TTC27: variants seen among roughly 807,000 people sequenced by gnomAD.
TTC27 encodes tetratricopeptide repeat domain 27, also known as tetratricopeptide repeat protein 27.
In TTC27, 79 loss-of-function variants were observed where a neutral mutation model predicts 115.9. The ratio of observed to expected loss-of-function variants is 0.68; its 90% CI spans 0.57 to 0.82. TTC27 has a LOEUF of 0.82. TTC27 is among the 40% of genes least tolerant of loss of function. TTC27 has a pLI of 0.00. For missense variants in TTC27, 1,054 were observed against 993.1 expected, an observed-to-expected ratio of 1.06 and a Z score of -0.82; for synonymous variants, 401 against 356.0, an observed-to-expected ratio of 1.13 and a Z score of -1.42.
At chr2:32,704,801 C>T in intron 10 of TTC27, 2 of 460,652 alleles carry the variant, frequency 4.3e-6, no homozygotes, top group Non-Finnish European at 4.5e-6. Flanking sequence ...TGATTTGATT[C>T]AGGTCATAGA....
chr2:32,754,966 T>A (rs1442447651), intron 12 of TTC27, among the ~76,000 whole-genome samples: 1 of 148,052 alleles, frequency 6.8e-6, no homozygotes, highest in Non-Finnish European at 1.5e-5. Context: ...GTGGAGGGGC[T>A]CCTCACTTCT....
At chr2:32,781,554 C>T (rs1572608191) in intron 14 of TTC27, among the ~76,000 whole-genome samples, 1 of 152,036 alleles carries the variant, frequency 6.6e-6, no homozygotes, top group East Asian at 1.9e-4. Flanking sequence ...CCTAAATCAG[C>T]TTGTTTTTAA....
At chr2:32,784,123 G>C (rs1670270551) in intron 15 of TTC27, among the ~76,000 whole-genome samples, 1 of 152,162 alleles carries the variant, frequency 6.6e-6, no homozygotes, top group Non-Finnish European at 1.5e-5. Flanking sequence ...CATAGTTGTA[G>C]AATGATCTCA....
intron 4 of TTC27, among the ~76,000 whole-genome samples, chr2:32,641,826 G>A (rs1664660926): frequency 2.0e-5 from 3 of 150,876 alleles, no homozygotes; most frequent in Admixed American, 2.0e-4. Flanking sequence ...TTACAGGCAT[G>A]CGTCACCATG....
intron 3 of TTC27, among the ~76,000 whole-genome samples, chr2:32,636,721 A>G (rs1664442582): frequency 6.6e-6 from 1 of 152,226 alleles, no homozygotes; most frequent in Non-Finnish European, 1.5e-5. Context: ...AACAATATGG[A>G]AATGAGTTTC....
At chr2:32,755,936 A>T (rs1669217360) in intron 12 of TTC27, among the ~76,000 whole-genome samples, 1 of 152,162 alleles carries the variant, frequency 6.6e-6, no homozygotes, top group South Asian at 2.1e-4. Context: ...TAACTGTCTT[A>T]GTTCTGTTAC....
rs1330705403 is a variant in TTC27, at chr2:32,630,630, A to G, written c.196A>G (p.Ile66Val). ...TTCAACAACAACCGCTGAAGAAAAGATTGATAGCTACCTGGAGAAGCAGGT... is the reference window on the plus strand; with the variant it reads ...TTCAACAACAACCGCTGAAGAAAAGGTTGATAGCTACCTGGAGAAGCAGGT... Reference protein sequence around the residue: ...FNSTTTAEEKIDSYLEKQVVT... With the variant: ...FNSTTTAEEKVDSYLEKQVVT... The change falls in exon 2 of 20, where the codon ATT becomes GTT. Residue 66 changes from isoleucine (I) to valine (V), a missense_variant. Physicochemically the swap from Ile to Val is conservative, Grantham distance 29. Coordinates refer to ENST00000317907, the MANE Select transcript of TTC27 (RefSeq NM_017735.5). 2 of 1,613,894 alleles carry G rather than the reference A, an allele frequency of 1.2e-6. No homozygotes were observed. The highest frequency in any genetic ancestry group is 2.7e-5 in the African/African-American group (2 of 74,932).
At chr2:32,692,698 A>G (rs1666856407) in intron 9 of TTC27, among the ~76,000 whole-genome samples, 1 of 152,162 alleles carries the variant, frequency 6.6e-6, no homozygotes, top group Non-Finnish European at 1.5e-5. Context: ...CTGGTGGGGC[A>G]CGGTGGTTTA....
At position 32,634,008 on chromosome 2, in the gene TTC27, A is replaced by G. The variant is rs1195756036; in HGVS notation, c.396+3A>G. On this transcript the variant is annotated splice_donor_region_variant and intron_variant, in intron 3 of 19. Coordinates refer to ENST00000317907, the MANE Select transcript of TTC27 (RefSeq NM_017735.5). ...TTTTGTTCCAGCAATTCAGTGAGGT[A>G]TGCTTCTTGAAAATGTTGTATGTAA... 1.9e-6 allele frequency: 3 copies of G among 1,609,480 alleles called. No homozygotes were observed. Among genetic ancestry groups the G allele is most frequent in the Non-Finnish European group, 2.5e-6 (3 of 1,178,410 alleles).
intron 11 of TTC27, among the ~76,000 whole-genome samples, chr2:32,735,233 A>T (rs1668412856): frequency 6.6e-6 from 1 of 152,210 alleles, no homozygotes; most frequent in Admixed American, 6.5e-5. Flanking sequence ...ATATGCAAGT[A>T]AAAAAGCTTT....
chr2:32,644,591 C>G (rs917265623), intron 4 of TTC27, among the ~76,000 whole-genome samples: 2 of 151,700 alleles, frequency 1.3e-5, no homozygotes, highest in Non-Finnish European at 2.9e-5. Flanking sequence ...TTGCCTTTTT[C>G]TTTTTCTTTT....
At chr2:32,733,778 A>G in intron 10 of TTC27, 50 bp from the exon 11 acceptor site, 1 of 1,177,538 alleles carries the variant, frequency 8.5e-7, no homozygotes, top group Non-Finnish European at 1.2e-6. Context: ...GGACTTATTT[A>G]TATTATAAGT....
intron 12 of TTC27, among the ~76,000 whole-genome samples, chr2:32,745,054 C>CAA (rs57044153): frequency 0.016 from 794 of 49,864 alleles, 189 homozygotes; most frequent in African/African-American, 0.048. Flanking sequence ...AACTCTGTCT[C>CAA]AAAAAAAAAA....
chr2:32,674,941 C>T (rs1666146032), intron 8 of TTC27, among the ~76,000 whole-genome samples: 2 of 151,944 alleles, frequency 1.3e-5, no homozygotes, highest in African/African-American at 2.4e-5. Context: ...GGATTACAGG[C>T]GTGAGCCACC....
chr2:32,749,032 T>C (rs535156576), intron 12 of TTC27, among the ~76,000 whole-genome samples: 2 of 152,334 alleles, frequency 1.3e-5, no homozygotes, highest in Non-Finnish European at 2.9e-5. Context: ...CTTAAGATAG[T>C]TGATTTTAAG....
intron 4 of TTC27, among the ~76,000 whole-genome samples, chr2:32,648,928 G>C (rs868749122): frequency 6.6e-6 from 1 of 152,058 alleles, no homozygotes; most frequent in African/African-American, 2.4e-5. Flanking sequence ...GGAGGATCAC[G>C]TGAGCCTGAG....
chr2:32,702,020 A>AACAAAAC (rs1553553240), intron 9 of TTC27, among the ~76,000 whole-genome samples: 7 of 145,544 alleles, frequency 4.8e-5, no homozygotes, highest in South Asian at 2.1e-4. Flanking sequence ...CAAAAAAAAA[A>AACAAAAC]AAAAACAAAA....
intron 4 of TTC27, among the ~76,000 whole-genome samples, chr2:32,642,009 C>T (rs1315673972): frequency 2.6e-5 from 4 of 152,090 alleles, no homozygotes; most frequent in East Asian, 1.9e-4. Context: ...GCGGCTGCCA[C>T]GATGCATGGC....
At chr2:32,706,077 CT>C (rs148953090) in intron 10 of TTC27, among the ~76,000 whole-genome samples, 857 of 53,070 alleles carry the variant, frequency 0.016, 2 homozygotes, top group African/African-American at 0.045. Context: ...TTACCTTACT[CT>C]TTTTTTTTTT....
Sources: allele counts gnomAD v4.1 joint callset (sites outside exome capture counted in the v4.1 genomes callset), GRCh38; gene constraint gnomAD v4.1.1; transcripts MANE v1.5; gene names NCBI Gene and HGNC (gene_info 2026-07-23, HGNC 2026-07-21).